The following CELF2 variants were observed in gnomAD, a reference collection of about 807,000 sequenced individuals.
CELF2 encodes the protein CUGBP Elav-like family member 2.
CELF2 carries 8 observed loss-of-function variants against 62.6 expected under a neutral mutation model. The observed-to-expected ratio is 0.13, with a 90% CI of 0.07 to 0.23. The LOEUF (loss-of-function observed/expected upper bound fraction) is 0.23. Among genes scored for constraint, CELF2 ranks in the 10% least tolerant of loss-of-function variants. The probability of loss-of-function intolerance (pLI) is 1.00; values close to 1 mark genes in which losing one functional copy is unlikely to be tolerated. For synonymous variants in CELF2, 258 were observed against 250.0 expected (o/e 1.03, Z -0.30); for missense variants, 333 against 671.0 (o/e 0.50, Z 5.56).
the CELF2 span, among the ~76,000 whole-genome samples, chr10:10,689,827 G>T: frequency 6.6e-6 from 1 of 152,290 alleles, no homozygotes; most frequent in Middle Eastern, 3.4e-3. Flanking sequence ...ATGTACGTGT[G>T]AACAAAATTC....
the CELF2 span, among the ~76,000 whole-genome samples, chr10:10,757,681 C>G: frequency 1.3e-5 from 2 of 152,140 alleles, no homozygotes; most frequent in East Asian, 1.9e-4. Flanking sequence ...TAAGAATAAG[C>G]TACTTGTCTT....
chr10:11,100,376 A>C (rs2051232101), intron 1 of CELF2, among the ~76,000 whole-genome samples: 1 of 150,956 alleles, frequency 6.6e-6, no homozygotes, highest in South Asian at 2.2e-4. Flanking sequence ...TTAATTTTTA[A>C]ATTTTTACTC....
chr10:11,004,414 T>C (rs576259120), upstream of CELF2, among the ~76,000 whole-genome samples: 41 of 139,712 alleles, frequency 2.9e-4, no homozygotes, highest in South Asian at 1.9e-3. This position sits in a 1 kb window ranked among gnomAD's most constrained non-coding sequence, Gnocchi z 5.0. Context: ...TGTGTGTGTG[T>C]GCGCGCGCGT....
intron 1 of CELF2, among the ~76,000 whole-genome samples, chr10:11,069,028 T>C (rs187561567): frequency 1.2e-4 from 19 of 152,328 alleles, no homozygotes; most frequent in African/African-American, 4.6e-4. Context: ...CATCCATGCT[T>C]ATCAATTATT....
At chr10:10,900,394 G>T (rs1328965763) in intron 1 of CELF2, among the ~76,000 whole-genome samples, 1 of 152,152 alleles carries the variant, frequency 6.6e-6, no homozygotes, top group Non-Finnish European at 1.5e-5. Flanking sequence ...GTGGGGTCTG[G>T]TTGGTATAAC....
chr10:10,713,505 C>T, the CELF2 span, among the ~76,000 whole-genome samples: 5 of 152,306 alleles, frequency 3.3e-5, no homozygotes, highest in South Asian at 1.0e-3. Context: ...CATGTGCCTG[C>T]CTACCTGCAG....
At chr10:10,625,626 A>G in the CELF2 span, among the ~76,000 whole-genome samples, 1 of 152,132 alleles carries the variant, frequency 6.6e-6, no homozygotes, top group Non-Finnish European at 1.5e-5. Context: ...TTACTTGATC[A>G]TTTACAACTC....
rs191992490 is a variant in CELF2, at chr10:11,161,161, C to T, written c.75-4325C>T. Among the ~76,000 whole-genome samples the T allele has an allele frequency of 2.5e-3, 381 of 152,346 alleles. 14 individuals carry two copies. The highest frequency in any genetic ancestry group is 0.01 in the Middle Eastern group (3 of 294). On this transcript the variant is annotated intron_variant, in intron 1 of 12. Transcript: ENST00000633077. ...CTGGGTTAAAACTAAAAAGTAAGCA[C>T]TCATCGTTTTTCCGAACAAGATTTC...
intron 2 of CELF2, among the ~76,000 whole-genome samples, chr10:10,953,328 A>G (rs924562201): frequency 6.6e-6 from 1 of 152,192 alleles, no homozygotes; most frequent in African/African-American, 2.4e-5. Flanking sequence ...TTTTAGCTCA[A>G]TTCACTGTTC....
the CELF2 span, among the ~76,000 whole-genome samples, chr10:10,768,035 G>A: frequency 6.9e-6 from 1 of 144,088 alleles, no homozygotes; most frequent in Non-Finnish European, 1.5e-5. Flanking sequence ...GCGTGGTGAC[G>A]GGCGCCTGTA....
chr10:10,719,867 C>A, the CELF2 span, among the ~76,000 whole-genome samples: 6 of 152,134 alleles, frequency 3.9e-5, no homozygotes, highest in Non-Finnish European at 1.5e-5. Context: ...CTGATTTGGG[C>A]GGTGGGGATT....
intron 1 of CELF2, among the ~76,000 whole-genome samples, chr10:11,040,497 C>G (rs2061645796): frequency 6.6e-6 from 1 of 152,050 alleles, no homozygotes. Context: ...CCAGGAGAAA[C>G]CTATTTAATG....
chr10:10,763,851 A>C, the CELF2 span, among the ~76,000 whole-genome samples: 1 of 152,180 alleles, frequency 6.6e-6, no homozygotes, highest in African/African-American at 2.4e-5. Flanking sequence ...ATATCACCTG[A>C]ACCATGGAGA....
chr10:11,242,882 G>T lies in CELF2; in HGVS notation c.355-6271G>T, dbSNP rs921671018. Among the ~76,000 whole-genome samples, 1 of 152,188 alleles carries T rather than the reference G, an allele frequency of 6.6e-6. No individual in the cohort carries two copies. Among genetic ancestry groups the T allele is most frequent in the Non-Finnish European group, 1.5e-5 (1 of 68,028 alleles). On this transcript the variant is annotated intron_variant, in intron 3 of 12. Transcript: ENST00000633077. This position sits in a 1 kb window ranked among gnomAD's most constrained non-coding sequence, Gnocchi z 4.8. The stretch of plus-strand genomic sequence containing the variant: ...GGAGGCCTGATGCTGGGAGGCTTGT[G>T]TGGTCCGCCACCAACAGATGGCTCC...
the CELF2 span, among the ~76,000 whole-genome samples, chr10:10,696,260 C>T: frequency 6.6e-6 from 1 of 151,958 alleles, no homozygotes; most frequent in East Asian, 1.9e-4. Context: ...GAGTACCCTG[C>T]CGTGTGAGGT....
At chr10:11,291,013 C>G (rs1280894298) in intron 9 of CELF2, among the ~76,000 whole-genome samples, 1 of 152,218 alleles carries the variant, frequency 6.6e-6, no homozygotes, top group East Asian at 1.9e-4. Flanking sequence ...TCCACTTCAT[C>G]AAGGCAGTTT....
At chr10:10,479,424 C>T in the CELF2 span, among the ~76,000 whole-genome samples, 1 of 152,192 alleles carries the variant, frequency 6.6e-6, no homozygotes, top group Non-Finnish European at 1.5e-5. Context: ...ACCTCGACCT[C>T]CCAAAGTGCT....
At chr10:10,625,240 A>G in the CELF2 span, among the ~76,000 whole-genome samples, 4 of 152,222 alleles carry the variant, frequency 2.6e-5, no homozygotes, top group Non-Finnish European at 5.9e-5. Flanking sequence ...TTGGCTTTTA[A>G]TCCACTTGCT....
rs762608759 is a variant in CELF2, at chr10:11,211,819, T to C, written c.272-5606T>C. 3.3e-4 allele frequency among the ~76,000 whole-genome samples: 31 copies of C among 92,864 alleles called. No homozygotes were observed. Among genetic ancestry groups the C allele is most frequent in the African/African-American group, 1.3e-3 (31 of 23,960 alleles). 60.9% of individuals were successfully genotyped at this position (92,864 alleles called of 152,430 possible). A position where few individuals can be genotyped will look rare whatever the true frequency, so the allele number is the denominator to read the frequency against. On this transcript the variant is annotated intron_variant, in intron 2 of 12. Coordinates refer to ENST00000633077, the MANE Select transcript of CELF2 (RefSeq NM_001326342.2). This position sits in a 1 kb window ranked among gnomAD's most constrained non-coding sequence, Gnocchi z 4.8. The stretch of plus-strand genomic sequence containing the variant: ...GAGAGAGAGAGAGAGAGAGAGTGTG[T>C]GTGTGTGTGTGTGTGTGTGTGTGTG...
Sources: gnomAD v4.1 joint callset for allele counts (sites outside exome capture counted in the v4.1 genomes callset) on GRCh38, gnomAD v4.1.1 for gene constraint, Gnocchi (gnomAD v3.1) non-coding constraint, MANE v1.5 for transcripts, NCBI Gene and HGNC (gene_info 2026-07-23, HGNC 2026-07-21) for gene names.